TLE1: variants seen among roughly 807,000 people sequenced by gnomAD.
TLE1 encodes transducin-like enhancer protein 1.
TLE1 carries 21 observed loss-of-function variants against 89.8 expected under a neutral mutation model. The observed-to-expected ratio is 0.23, with a 90% CI of 0.17 to 0.34. TLE1 has a LOEUF of 0.34. Ranked by LOEUF, TLE1 falls within the 10% of genes least tolerant of loss-of-function variation. The pLI is 1.00. For synonymous variants in TLE1, 447 were observed against 407.6 expected, an observed-to-expected ratio of 1.10 and a Z score of -1.16; for missense variants, 795 against 1,031.2, an observed-to-expected ratio of 0.77 and a Z score of 3.14.
chr9:81,664,055 T>C (rs1831159219), intron 4 of TLE1, among the ~76,000 whole-genome samples: 1 of 152,102 alleles, frequency 6.6e-6, no homozygotes, highest in African/African-American at 2.4e-5. Context: ...CATCAGACCA[T>C]CTGGCCCACC....
chr9:81,636,749 A>G (rs1452853341), intron 6 of TLE1, among the ~76,000 whole-genome samples: 1 of 152,148 alleles, frequency 6.6e-6, no homozygotes, highest in East Asian at 1.9e-4. Flanking sequence ...TCACCCCCAT[A>G]ATCCCAACAC....
chr9:81,652,717 G>C (rs1829706951), intron 5 of TLE1, among the ~76,000 whole-genome samples: 1 of 152,174 alleles, frequency 6.6e-6, no homozygotes, highest in Admixed American at 6.5e-5. Flanking sequence ...GGGAGGCCAA[G>C]ACAGGGTGAG....
chr9:81,666,392 TACC>T (rs1271278093), intron 4 of TLE1, among the ~76,000 whole-genome samples: 1 of 152,088 alleles, frequency 6.6e-6, no homozygotes. Context: ...AATTAGGTAA[TACC>T]ACACAATGGC....
In TLE1 at chr9:81,656,182, G is replaced by C. The variant is rs151241206; in HGVS notation, c.235-2146C>G. Among the ~76,000 whole-genome samples, 1,095 of 152,154 alleles carry C rather than the reference G, an allele frequency of 7.2e-3. 19 individuals carry two copies. The highest frequency in any genetic ancestry group is 0.025 in the African/African-American group (1,030 of 41,514). On this transcript the variant is annotated intron_variant, in intron 4 of 19. Transcript: ENST00000376499. Reference sequence around the variant, plus strand: ...TGTACCAGGTACAAAAACAGAACTGGGTCAGCCCCACCCAGTTCATTTGAT... The same window carrying C: ...TGTACCAGGTACAAAAACAGAACTGCGTCAGCCCCACCCAGTTCATTTGAT...
intron 4 of TLE1, among the ~76,000 whole-genome samples, chr9:81,673,221 C>T (rs1315647486): frequency 2.1e-5 from 3 of 143,714 alleles, no homozygotes; most frequent in African/African-American, 7.8e-5. Flanking sequence ...TGCAGTGAAC[C>T]AAGATTGCGC....
At chr9:81,686,170 C>T (rs1268990462) in intron 2 of TLE1, among the ~76,000 whole-genome samples, 1 of 152,206 alleles carries the variant, frequency 6.6e-6, no homozygotes, top group East Asian at 1.9e-4. Context: ...ACTGATTCCT[C>T]CTCATGGTCA....
intron 6 of TLE1, among the ~76,000 whole-genome samples, chr9:81,650,393 T>C (rs182872306): frequency 4.4e-4 from 67 of 152,320 alleles, no homozygotes; most frequent in Non-Finnish European, 7.4e-4. Context: ...ACAAACATGT[T>C]CCACAAAGTT....
rs1333041125 is a variant in TLE1 at position 81,613,394 on chromosome 9, G to A, written c.1046C>T (p.Pro349Leu). ...TGCTGTACCCGCTTGGTTAACGAGG[G>A]GGTCTATGGCTGGAGGCTTGCCGAG... ...PGLGKPPAID[P>L]LVNQAAAGLR... Residue 349 changes from proline to leucine, a missense_variant, in exon 12 of 20, where the codon CCC (proline) becomes CTC (leucine). Transcript: ENST00000376499. 6.2e-7 allele frequency: 1 copy of A among 1,614,012 alleles called. No individual in the cohort carries two copies. The highest frequency in any genetic ancestry group is 1.1e-5 in the South Asian group (1 of 91,054).
intron 14 of TLE1, among the ~76,000 whole-genome samples, chr9:81,606,614 TG>T (rs974764953): frequency 1.1e-4 from 16 of 151,872 alleles, no homozygotes; most frequent in Non-Finnish European, 2.1e-4. Flanking sequence ...CATCACACAC[TG>T]GGGCCTGTCA....
intron 4 of TLE1, among the ~76,000 whole-genome samples, chr9:81,669,028 T>G (rs1831865436): frequency 6.6e-6 from 1 of 152,172 alleles, no homozygotes. Flanking sequence ...GAAACCAAAT[T>G]TAACCCACGT....
intron 14 of TLE1, among the ~76,000 whole-genome samples, chr9:81,603,012 C>T (rs182166181): frequency 3.3e-5 from 5 of 152,020 alleles, no homozygotes; most frequent in African/African-American, 4.8e-5. Context: ...ATCTTAACAC[C>T]GGAAACAGGA....
chr9:81,622,627 C>G (rs757811925), intron 8 of TLE1, among the ~76,000 whole-genome samples: 1 of 152,206 alleles, frequency 6.6e-6, no homozygotes, highest in Non-Finnish European at 1.5e-5. Context: ...GTAATTTCCG[C>G]TTGAGCGGCT....
At chr9:81,621,798 G>A (rs1825294521) in intron 8 of TLE1, among the ~76,000 whole-genome samples, 1 of 152,136 alleles carries the variant, frequency 6.6e-6, no homozygotes, top group African/African-American at 2.4e-5. Context: ...CCATATGCAG[G>A]AGGAAATCAA....
At chr9:81,604,400 G>A (rs183949303) in intron 14 of TLE1, among the ~76,000 whole-genome samples, 266 of 152,322 alleles carry the variant, frequency 1.7e-3, no homozygotes, top group South Asian at 5.2e-3. Context: ...ATTCTAGCCA[G>A]AAGAGAAGCC....
chr9:81,688,149 C>T (rs1834607883), intron 1 of TLE1, 68 bp downstream of exon 1: 2 of 1,587,564 alleles, frequency 1.3e-6, no homozygotes, highest in African/African-American at 2.7e-5. Context: ...CCACCAGTCT[C>T]CCTACCGCCC....
intron 8 of TLE1, among the ~76,000 whole-genome samples, chr9:81,624,355 C>T (rs540925861): frequency 6.0e-4 from 92 of 152,228 alleles, no homozygotes; most frequent in African/African-American, 2.2e-3. Context: ...TGAAAAAGGC[C>T]TCAGCAGAGT....
At chr9:81,619,650 C>T (rs1238862259) in intron 9 of TLE1, among the ~76,000 whole-genome samples, 3 of 152,176 alleles carry the variant, frequency 2.0e-5, no homozygotes, top group Admixed American at 2.0e-4. Flanking sequence ...TCATACTGTT[C>T]CTGAGAATGC....
At chr9:81,659,541 G>A (rs921526370) in intron 4 of TLE1, among the ~76,000 whole-genome samples, 4 of 152,152 alleles carry the variant, frequency 2.6e-5, no homozygotes, top group Non-Finnish European at 4.4e-5. Flanking sequence ...GCAGCAGGAT[G>A]AAGGCTCCAG....
At chr9:81,625,993 A>G (rs923537799) in intron 8 of TLE1, among the ~76,000 whole-genome samples, 11 of 150,852 alleles carry the variant, frequency 7.3e-5, no homozygotes, top group Non-Finnish European at 1.3e-4. Flanking sequence ...AGAGGCCTTC[A>G]TGAATCCTAA....
Sources: gnomAD v4.1 joint callset for allele counts (sites outside exome capture counted in the v4.1 genomes callset) on GRCh38, gnomAD v4.1.1 for gene constraint, MANE v1.5 for transcripts, NCBI Gene and HGNC (gene_info 2026-07-23, HGNC 2026-07-21) for gene names.